The following FDFT1 variants were observed in gnomAD, a reference collection of about 807,000 sequenced individuals.
FDFT1 encodes farnesyl-diphosphate farnesyltransferase 1.
A neutral mutation model predicts 46.8 loss-of-function variants in FDFT1; 68 were observed. The ratio of observed to expected loss-of-function variants is 1.45; its 90% CI spans 1.19 to 1.78. The LOEUF is 1.78. Among genes scored for constraint, FDFT1 ranks in the 40% most tolerant of loss-of-function variants. The pLI is 0.00. For synonymous variants in FDFT1, 351 were observed against 185.1 expected (o/e 1.90, Z -7.28); for missense variants, 928 against 524.4 (o/e 1.77, Z -7.52).
chr8:11,835,259 G>A (rs1327710986), intron 7 of FDFT1, among the ~76,000 whole-genome samples: 1 of 152,178 alleles, frequency 6.6e-6, no homozygotes, highest in Non-Finnish European at 1.5e-5. Context: ...AATTGAGTTT[G>A]CAGAAACCTA....
chr8:11,797,537 T>TAAAA (rs59718801), upstream of FDFT1, among the ~76,000 whole-genome samples: 1 of 151,278 alleles, frequency 6.6e-6, no homozygotes, highest in Admixed American at 6.6e-5. Flanking sequence ...AAAGAACAGA[T>TAAAA]AATCACAGCT....
intron 3 of FDFT1, among the ~76,000 whole-genome samples, chr8:11,815,153 A>G (rs893037691): frequency 3.9e-5 from 6 of 152,200 alleles, no homozygotes; most frequent in Admixed American, 3.9e-4. Context: ...TTTGCTCAGA[A>G]TGATGATTTC....
upstream of FDFT1, among the ~76,000 whole-genome samples, chr8:11,800,467 C>G (rs1806006849): frequency 6.6e-6 from 1 of 151,912 alleles, no homozygotes; most frequent in African/African-American, 2.4e-5. Context: ...CGGTGCCTCA[C>G]GTTCTGTATT....
upstream of FDFT1, chr8:11,802,437 G>A (rs955040205): frequency 4.3e-6 from 2 of 460,128 alleles, no homozygotes; most frequent in South Asian, 3.1e-5. Flanking sequence ...TCCCCACAGC[G>A]TTCGCGCTCC....
chr8:11,802,836 G>C lies in FDFT1; in HGVS notation c.4G>C (p.Glu2Gln), dbSNP rs142415629. Residue 2 changes from glutamate (E) to glutamine (Q), a missense_variant, in exon 1 of 8, where the codon GAG (glutamate) becomes CAG (glutamine). Physicochemically the swap from Glu to Gln is conservative, Grantham distance 29 (BLOSUM62 2). Transcript: ENST00000220584. MEFVKCLGHPEE... is the reference protein window; with the variant it reads MQFVKCLGHPEE... ...GGAGTCCGCCGCCTGCGCCAGGATG[G>C]AGTTCGTGAAATGCCTTGGCCACCC... 3 of 1,609,426 alleles carry C rather than the reference G, an allele frequency of 1.9e-6. No homozygotes were observed. The highest frequency in any genetic ancestry group is 2.5e-6 in the Non-Finnish European group (3 of 1,177,880).
intron 1 of FDFT1, among the ~76,000 whole-genome samples, chr8:11,805,875 C>T (rs1806765675): frequency 2.0e-5 from 3 of 152,198 alleles, no homozygotes; most frequent in South Asian, 2.1e-4. Context: ...TTTCAGTGGA[C>T]TATGGGCCTG....
chr8:11,831,694 G>C, intron 7 of FDFT1, 24 bp downstream of exon 7: 1 of 1,589,014 alleles, frequency 6.3e-7, no homozygotes, highest in South Asian at 1.1e-5. Context: ...TAACTACTTG[G>C]ATAATTTGTA....
intron 4 of FDFT1, among the ~76,000 whole-genome samples, chr8:11,825,757 C>T (rs1446118693): frequency 6.6e-6 from 1 of 151,446 alleles, no homozygotes; most frequent in Non-Finnish European, 1.5e-5. Flanking sequence ...ATTATAGTAG[C>T]AGTACATGTG....
At position 11,802,769 on chromosome 8, in the gene FDFT1, C is replaced by T; in HGVS notation, c.-64C>T. ...GCACCTACTCCACAGGTCCAGCCGG[C>T]CGGTGAGCGCCTGGGGACCGCAGAG... is the stretch of plus-strand genomic sequence containing the variant. On this transcript the variant is annotated 5_prime_UTR_variant, in exon 1 of 8. Transcript: ENST00000220584. 1 of 1,322,810 alleles carries T rather than the reference C, an allele frequency of 7.6e-7. No individual in the cohort carries two copies. Among genetic ancestry groups the T allele is most frequent in the Non-Finnish European group, 1.1e-6 (1 of 934,772 alleles). 81.9% of individuals were successfully genotyped at this position (1,322,810 alleles called of 1,614,324 possible).
chr8:11,799,532 C>T (rs1585830150), upstream of FDFT1, among the ~76,000 whole-genome samples: 1 of 152,308 alleles, frequency 6.6e-6, no homozygotes, highest in South Asian at 2.1e-4. Context: ...GTCTTATGAT[C>T]TCTGTTTTAA....
rs1483137846 is a variant in FDFT1 at position 11,830,143 on chromosome 8, G to T, written c.703-101G>T. The T allele has an allele frequency of 3.0e-6, 3 of 1,005,376 alleles. No individual in the cohort carries two copies. In the Admixed American group the frequency reaches 5.4e-5, roughly 18 times the overall value. 62.3% of individuals were successfully genotyped at this position (1,005,376 alleles called of 1,614,324 possible). A position where few individuals can be genotyped will look rare whatever the true frequency, so the allele number is the denominator to read the frequency against. Reference sequence around the variant, plus strand: ...TTACAGGCGTGAGCCACGGCGCCCAGCCTGTATCATAGTTCTTATGCACAA... The same window carrying T: ...TTACAGGCGTGAGCCACGGCGCCCATCCTGTATCATAGTTCTTATGCACAA... On this transcript the variant is annotated intron_variant, in intron 5 of 7. Transcript: ENST00000220584.
At chr8:11,829,026 G>T (rs568194053) in intron 5 of FDFT1, among the ~76,000 whole-genome samples, 1 of 152,176 alleles carries the variant, frequency 6.6e-6, no homozygotes, top group Non-Finnish European at 1.5e-5. Flanking sequence ...ATGCTGAGAA[G>T]TGGAATTGCT....
intron 3 of FDFT1, among the ~76,000 whole-genome samples, chr8:11,810,492 G>C (rs1807558358): frequency 6.6e-6 from 1 of 152,224 alleles, no homozygotes; most frequent in South Asian, 2.1e-4. Context: ...CGTTTGTAAA[G>C]TTAGAGCTGA....
intron 5 of FDFT1, among the ~76,000 whole-genome samples, chr8:11,829,317 C>G (rs1411083203): frequency 6.6e-6 from 1 of 152,214 alleles, no homozygotes; most frequent in Non-Finnish European, 1.5e-5. Flanking sequence ...AGAACTTTCG[C>G]TAGCTTCAGA....
At chr8:11,812,950 A>G (rs886381030) in intron 3 of FDFT1, among the ~76,000 whole-genome samples, 21 of 152,366 alleles carry the variant, frequency 1.4e-4, no homozygotes, top group Admixed American at 1.2e-3. Context: ...AGATGATTTC[A>G]TCATTCTGTG....
intron 3 of FDFT1, among the ~76,000 whole-genome samples, chr8:11,814,678 G>A (rs1808196030): frequency 6.6e-6 from 1 of 152,104 alleles, no homozygotes; most frequent in Non-Finnish European, 1.5e-5. Flanking sequence ...TTTTACATTA[G>A]GGCTTGGACT....
chr8:11,823,031 C>T (rs1054165172), intron 4 of FDFT1, among the ~76,000 whole-genome samples: 6 of 152,060 alleles, frequency 3.9e-5, no homozygotes, highest in East Asian at 1.9e-4. Context: ...CACGGCTCCC[C>T]GCAGCCTCAA....
chr8:11,806,840 T>G (rs1273507504), intron 1 of FDFT1, among the ~76,000 whole-genome samples: 2 of 152,234 alleles, frequency 1.3e-5, no homozygotes, highest in Non-Finnish European at 2.9e-5. Context: ...TGTCTTCATT[T>G]ATTCATGACA....
upstream of FDFT1, among the ~76,000 whole-genome samples, chr8:11,797,401 C>A (rs1286827871): frequency 6.6e-6 from 1 of 152,180 alleles, no homozygotes; most frequent in Non-Finnish European, 1.5e-5. Context: ...AGCACCATCA[C>A]ATAACATGTC....
Sources: gnomAD v4.1 joint callset for allele counts (sites outside exome capture counted in the v4.1 genomes callset) on GRCh38, gnomAD v4.1.1 for gene constraint, MANE v1.5 for transcripts, NCBI Gene and HGNC (gene_info 2026-07-23, HGNC 2026-07-21) for gene names.